DEPDC1B: variants seen among roughly 807,000 people sequenced by gnomAD.
DEPDC1B encodes DEP domain containing 1B.
DEPDC1B carries 51 observed loss-of-function variants against 66.5 expected under a neutral mutation model. The ratio of observed to expected loss-of-function variants is 0.77; its 90% CI spans 0.61 to 0.97. DEPDC1B has a LOEUF of 0.97. DEPDC1B is among the 50% of genes least tolerant of loss of function. The pLI is 0.00. For synonymous variants in DEPDC1B, 226 were observed against 223.6 expected (o/e 1.01, Z -0.10); for missense variants, 552 against 637.1 (o/e 0.87, Z 1.44).
intron 7 of DEPDC1B, among the ~76,000 whole-genome samples, chr5:60,609,493 G>A (rs531884021): frequency 6.6e-5 from 10 of 152,248 alleles, no homozygotes; most frequent in African/African-American, 9.6e-5. Flanking sequence ...AGTCTCTGCC[G>A]CACAATATTG....
At chr5:60,627,431 CTA>C (rs772817057) in intron 7 of DEPDC1B, among the ~76,000 whole-genome samples, 3 of 151,746 alleles carry the variant, frequency 2.0e-5, no homozygotes, top group Admixed American at 6.6e-5. Flanking sequence ...CATTAGCATT[CTA>C]TCTTTTTTTT....
chr5:60,611,218 C>T lies in DEPDC1B; in HGVS notation c.899-5362G>A, dbSNP rs115154828. Among the ~76,000 whole-genome samples the T allele has an allele frequency of 4.5e-3, 691 of 152,188 alleles. 2 individuals are homozygous for T. The highest frequency in any genetic ancestry group is 7.6e-3 in the Non-Finnish European group (520 of 67,996). On this transcript the variant is annotated intron_variant, in intron 7 of 10. Coordinates refer to ENST00000265036, the MANE Select transcript of DEPDC1B (RefSeq NM_018369.3). ...CAATAAGTAATCTTTGCTGTTACTA[C>T]TGTAAGTGTTTGGGGGAACCACACA... is the stretch of plus-strand genomic sequence containing the variant.
At chr5:60,651,750 G>C (rs189528331) in intron 2 of DEPDC1B, among the ~76,000 whole-genome samples, 4 of 152,224 alleles carry the variant, frequency 2.6e-5, no homozygotes, top group Admixed American at 1.3e-4. Flanking sequence ...GAAACAGTAT[G>C]GAAGGTGGAG....
intron 7 of DEPDC1B, among the ~76,000 whole-genome samples, chr5:60,619,374 G>A (rs202231472): frequency 8.6e-5 from 13 of 151,928 alleles, no homozygotes; most frequent in Non-Finnish European, 4.4e-5. Flanking sequence ...TGACATGATT[G>A]TATATCTAGA....
intron 2 of DEPDC1B, among the ~76,000 whole-genome samples, chr5:60,670,244 C>T (rs947817113): frequency 6.6e-5 from 10 of 152,028 alleles, no homozygotes; most frequent in African/African-American, 2.4e-4. Context: ...ATTAGCCGGG[C>T]GTGGTGGCAG....
intron 6 of DEPDC1B, among the ~76,000 whole-genome samples, chr5:60,639,528 T>G (rs1440375003): frequency 6.6e-6 from 1 of 152,216 alleles, no homozygotes; most frequent in South Asian, 2.1e-4. Context: ...AAAGACAGTT[T>G]ATCAAGCAAA....
intron 2 of DEPDC1B, among the ~76,000 whole-genome samples, chr5:60,677,349 C>T (rs916418030): frequency 3.4e-5 from 5 of 146,520 alleles, no homozygotes; most frequent in Non-Finnish European, 7.7e-5. Context: ...CTCTCTCTCT[C>T]TCTCTCTCTC....
intron 2 of DEPDC1B, among the ~76,000 whole-genome samples, chr5:60,676,306 C>T (rs1754159130): frequency 6.6e-6 from 1 of 151,410 alleles, no homozygotes; most frequent in South Asian, 2.1e-4. Context: ...CTGTAGCACA[C>T]CAACACGGCA....
At position 60,611,995 on chromosome 5, in the gene DEPDC1B, G is replaced by A. The variant is rs576317443; in HGVS notation, c.899-6139C>T. On this transcript the variant is annotated intron_variant, in intron 7 of 10. Transcript: ENST00000265036. ...CCATCTAGGACATTTGTAACTAGAA[G>A]GGAGAAGTCGATATTTGGCTTCAAA... Among the ~76,000 whole-genome samples, 18 of 152,316 alleles carry A rather than the reference G, an allele frequency of 1.2e-4. No homozygotes were observed. In the East Asian group the frequency reaches 3.5e-3, roughly 29 times the overall value.
intron 2 of DEPDC1B, among the ~76,000 whole-genome samples, chr5:60,686,540 C>T (rs1754416675): frequency 6.6e-6 from 1 of 152,192 alleles, no homozygotes; most frequent in South Asian, 2.1e-4. Context: ...TAGCATAATT[C>T]TTCACATGGG....
chr5:60,655,219 T>G (rs1462108986), intron 2 of DEPDC1B, among the ~76,000 whole-genome samples: 1 of 149,230 alleles, frequency 6.7e-6, no homozygotes, highest in Non-Finnish European at 1.5e-5. Flanking sequence ...TCCTTGAATA[T>G]CTGATAGAAT....
chr5:60,696,087 G>A (rs1401368411), intron 1 of DEPDC1B, among the ~76,000 whole-genome samples: 1 of 152,090 alleles, frequency 6.6e-6, no homozygotes, highest in Non-Finnish European at 1.5e-5. Context: ...ATGAGCCACC[G>A]CACCCAGCGT....
At chr5:60,664,084 C>T (rs1214703937) in intron 2 of DEPDC1B, among the ~76,000 whole-genome samples, 2 of 152,178 alleles carry the variant, frequency 1.3e-5, no homozygotes, top group East Asian at 1.9e-4. Context: ...AGAATGGACA[C>T]CTGAAGCAGA....
intron 7 of DEPDC1B, among the ~76,000 whole-genome samples, chr5:60,615,758 C>T (rs1283270124): frequency 6.6e-6 from 1 of 152,220 alleles, no homozygotes; most frequent in Non-Finnish European, 1.5e-5. Flanking sequence ...CCTCTGCAGA[C>T]TTAAATGTCA....
Position 60,603,535 on chromosome 5 carries a change from A to T in DEPDC1B, c.1098T>A (p.Cys366Ter). ...MVQTFSRCIL[C>*]SKDEVDLDEL... ...CATCCAAGTCCACTTCATCCTTGGA[A>T]CACAAGATGCAACGGGAAAATGTCT... Residue 366 changes from cysteine to a stop codon, truncating the protein, a stop_gained, in exon 9 of 11, where the codon TGT becomes TGA. Coordinates refer to ENST00000265036, the MANE Select transcript of DEPDC1B (RefSeq NM_018369.3). LOFTEE classifies it high-confidence loss of function. 1 of 1,607,378 alleles carries T rather than the reference A, an allele frequency of 6.2e-7. No homozygotes were observed. The highest frequency in any genetic ancestry group is 8.5e-7 in the Non-Finnish European group (1 of 1,178,198).
chr5:60,699,911 T>G, intron 1 of DEPDC1B, 135 bp downstream of exon 1: 1 of 1,060,428 alleles, frequency 9.4e-7, no homozygotes, highest in South Asian at 1.5e-5. Context: ...GCAGCCCCAG[T>G]AGTCCCAGCT....
chr5:60,603,221 AATG>A (rs1311062809), intron 9 of DEPDC1B, among the ~76,000 whole-genome samples, 167 bp downstream of exon 9: 17 of 152,232 alleles, frequency 1.1e-4, no homozygotes, highest in Non-Finnish European at 1.8e-4. Context: ...TAAACTTTTC[AATG>A]ATAATACAAA....
At chr5:60,658,185 TTCCA>T (rs1753621604) in intron 2 of DEPDC1B, among the ~76,000 whole-genome samples, 1 of 152,220 alleles carries the variant, frequency 6.6e-6, no homozygotes, top group Non-Finnish European at 1.5e-5. Context: ...CTGAAGATTT[TTCCA>T]TCCATATCCT....
chr5:60,616,686 G>A (rs1752563369), intron 7 of DEPDC1B, among the ~76,000 whole-genome samples: 1 of 152,176 alleles, frequency 6.6e-6, no homozygotes, highest in Admixed American at 6.5e-5. Context: ...GTGACGGGGA[G>A]AATGGAACCA....
Sources: allele counts gnomAD v4.1 joint callset (sites outside exome capture counted in the v4.1 genomes callset), GRCh38; gene constraint gnomAD v4.1.1; transcripts MANE v1.5; gene names NCBI Gene and HGNC (gene_info 2026-07-23, HGNC 2026-07-21).